Variants in NUAK1 observed in about 807,000 individuals in gnomAD.
NUAK1 encodes NUAK family kinase 1.
NUAK1 carries 26 observed loss-of-function variants against 56.9 expected under a neutral mutation model. The ratio of observed to expected loss-of-function variants is 0.46; its 90% CI spans 0.33 to 0.63. The LOEUF is 0.63. Ranked by LOEUF, NUAK1 falls within the 30% of genes least tolerant of loss-of-function variation. The pLI is 0.02. For synonymous variants in NUAK1, 337 were observed against 336.0 expected (o/e 1.00, Z -0.03); for missense variants, 727 against 876.1 (o/e 0.83, Z 2.15).
intron 1 of NUAK1, among the ~76,000 whole-genome samples, chr12:106,125,611 T>C (rs145242587): frequency 3.1e-4 from 47 of 152,166 alleles, no homozygotes; most frequent in Non-Finnish European, 5.4e-4. Context: ...GCTATGAGGG[T>C]TGTTAAGGGA....
chr12:106,108,568 C>T (rs1241396257), intron 1 of NUAK1, among the ~76,000 whole-genome samples: 1 of 152,178 alleles, frequency 6.6e-6, no homozygotes, highest in Non-Finnish European at 1.5e-5. Context: ...GGCTGTAATC[C>T]TGGGACCTTG....
Position 106,075,494 on chromosome 12 carries a change from T to A in NUAK1, c.580-2651A>T, listed in dbSNP as rs143414323. ...GTCTGTAAAATAGCGTTAGGAAGAG[T>A]GTCTATCCCTACTGTGTCATGGTGG... On this transcript the variant is annotated intron_variant, in intron 4 of 6. Transcript: ENST00000261402. Among the ~76,000 whole-genome samples, 67 of 152,150 alleles carry A rather than the reference T, an allele frequency of 4.4e-4. No homozygotes were observed. In the East Asian group the frequency reaches 0.011, roughly 26 times the overall value.
intron 2 of NUAK1, among the ~76,000 whole-genome samples, chr12:106,093,173 G>C (rs2032654968): frequency 6.6e-6 from 1 of 152,186 alleles, no homozygotes; most frequent in African/African-American, 2.4e-5. Flanking sequence ...TCTAGAAAAA[G>C]CAGGCATGGA....
intron 4 of NUAK1, among the ~76,000 whole-genome samples, chr12:106,075,286 AAC>A (rs370123170): frequency 0.012 from 1,667 of 133,898 alleles, 13 homozygotes; most frequent in African/African-American, 0.019. Context: ...AGTATTAATC[AAC>A]ACACACACAC....
Position 106,067,014 on chromosome 12 carries a change from G to A in NUAK1, c.1774C>T (p.Arg592Cys), listed in dbSNP as rs777676118. 32 of 1,614,094 alleles carry A rather than the reference G, an allele frequency of 2.0e-5. No individual in the cohort carries two copies. In the Middle Eastern group the frequency reaches 8.2e-4, roughly 41 times the overall value. The part of the protein sequence containing the change: ...SFDLLDLQEN[R>C]PARQRIRSCV... ...CTGCGGATGCGCTGGCGGGCAGGGC[G>A]ATTCTCCTGCAAATCCAGCAAGTCA... is the stretch of plus-strand genomic sequence containing the variant. The change falls in exon 7 of 7, where the codon CGC (arginine) becomes TGC (cysteine). Residue 592 changes from arginine to cysteine, a missense_variant. Arg to Cys is a radical substitution (Grantham distance 180). Coordinates refer to ENST00000261402, the MANE Select transcript of NUAK1 (RefSeq NM_014840.3). This position sits in a 1 kb window ranked among gnomAD's most constrained non-coding sequence, Gnocchi z 6.0.
At chr12:106,072,958 G>T in intron 4 of NUAK1, 115 bp from the exon 5 acceptor site, 2 of 1,216,712 alleles carry the variant, frequency 1.6e-6, no homozygotes, top group African/African-American at 1.5e-5. Flanking sequence ...GGGTGGGTCT[G>T]CTGGCTGGAT....
rs1203714388 is a variant in NUAK1, at chr12:106,066,714, G to A, written c.*88C>T. The A allele has an allele frequency of 2.7e-6, 3 of 1,117,102 alleles. No homozygotes were observed. Among genetic ancestry groups the A allele is most frequent in the Non-Finnish European group, 3.9e-6 (3 of 774,332 alleles). The allele number at this position is 1,117,102 out of a possible 1,614,324, so 69.2% of individuals were successfully genotyped here. ...AATCCTTTTTCAGTCTGTTGTCACA[G>A]CCAGCAAAGAGGTAACCAGCCTGTG... On this transcript the variant is annotated 3_prime_UTR_variant, in exon 7 of 7. Coordinates refer to ENST00000261402, the MANE Select transcript of NUAK1 (RefSeq NM_014840.3).
At chr12:106,088,305 T>TC (rs1353559373) in intron 2 of NUAK1, among the ~76,000 whole-genome samples, 1 of 152,134 alleles carries the variant, frequency 6.6e-6, no homozygotes, top group East Asian at 1.9e-4. Context: ...TCCCTGAAGG[T>TC]CCCCTGCCTA....
At chr12:106,089,648 G>A (rs1258439709) in intron 2 of NUAK1, among the ~76,000 whole-genome samples, 1 of 152,156 alleles carries the variant, frequency 6.6e-6, no homozygotes, top group Admixed American at 6.5e-5. Context: ...AATTAGCCGG[G>A]TGTGGTGGCA....
At chr12:106,111,431 C>A (rs2032858545) in intron 1 of NUAK1, among the ~76,000 whole-genome samples, 1 of 151,734 alleles carries the variant, frequency 6.6e-6, no homozygotes, top group Non-Finnish European at 1.5e-5. Context: ...GGGGGCGTGG[C>A]AGAGAGTCTG....
At chr12:106,129,768 C>G (rs775505288) in intron 1 of NUAK1, among the ~76,000 whole-genome samples, 10 of 152,154 alleles carry the variant, frequency 6.6e-5, no homozygotes, top group Non-Finnish European at 1.3e-4. Context: ...CTGGAAGCTT[C>G]CAAATCCTAT....
chr12:106,134,069 A>C (rs2033105900), intron 1 of NUAK1, among the ~76,000 whole-genome samples: 1 of 152,190 alleles, frequency 6.6e-6, no homozygotes, highest in South Asian at 2.1e-4. Flanking sequence ...GTGATGGAAA[A>C]ATACCAAACC....
Position 106,138,608 on chromosome 12 carries a change from C to G in NUAK1, c.46G>C (p.Gly16Arg), listed in dbSNP as rs1301728043. 7 of 1,549,096 alleles carry G rather than the reference C, an allele frequency of 4.5e-6. No individual in the cohort carries two copies. Among genetic ancestry groups the G allele is most frequent in the Non-Finnish European group, 6.1e-6 (7 of 1,154,222 alleles). ...CGGGGAGAGCCCGGCGCCCCCAGCC[C>G]CAAGTCGGGGCGGTCCCCCGCCACA... The part of the protein sequence containing the change: ...APVAGDRPDL[G>R]LGAPGSPREA... Residue 16 changes from glycine (G) to arginine (R), a missense_variant, in exon 1 of 7, where the codon GGG (glycine) becomes CGG (arginine). Transcript: ENST00000261402. This position sits in a 1 kb window ranked among gnomAD's most constrained non-coding sequence, Gnocchi z 5.0.
Position 106,138,783 on chromosome 12 carries a change from AC to A in NUAK1, c.-131del. 8.1e-7 allele frequency: 1 copy of A among 1,237,652 alleles called. No homozygotes were observed. The highest frequency in any genetic ancestry group is 1.1e-6 in the Non-Finnish European group (1 of 951,056). The allele number at this position is 1,237,652 out of a possible 1,614,324, so 76.7% of individuals were successfully genotyped here. ...CGCAGCATCAGGGAGGCGGCCCGAT[AC>A]CGCTCGGACTGCGGCTCGGTCACTG... On this transcript the variant is annotated 5_prime_UTR_variant, in exon 1 of 7. Coordinates refer to ENST00000261402, the MANE Select transcript of NUAK1 (RefSeq NM_014840.3). The surrounding 1 kb of genome is among the most constrained non-coding windows in gnomAD (Gnocchi z 5.0).
At chr12:106,126,401 C>T (rs1170274746) in intron 1 of NUAK1, among the ~76,000 whole-genome samples, 1 of 152,212 alleles carries the variant, frequency 6.6e-6, no homozygotes, top group African/African-American at 2.4e-5. Context: ...TCTTGGGAAG[C>T]AGTCTAGGCT....
At chr12:106,120,514 G>A (rs1294149902) in intron 1 of NUAK1, among the ~76,000 whole-genome samples, 3 of 151,992 alleles carry the variant, frequency 2.0e-5, no homozygotes, top group African/African-American at 7.2e-5. Context: ...GGACGATGTC[G>A]GGGGCAAAGT....
At chr12:106,133,502 CCAAA>C (rs1212825114) in intron 1 of NUAK1, among the ~76,000 whole-genome samples, 3 of 152,154 alleles carry the variant, frequency 2.0e-5, no homozygotes, top group East Asian at 1.9e-4. Context: ...CAAACTCCAT[CCAAA>C]CAAACAAACA....
At position 106,126,568 on chromosome 12, in the gene NUAK1, A is replaced by C. The variant is rs182265315; in HGVS notation, c.240+11846T>G. Among the ~76,000 whole-genome samples, 393 of 152,364 alleles carry C rather than the reference A, an allele frequency of 2.6e-3. 2 individuals are homozygous for C. The highest frequency in any genetic ancestry group is 2.5e-3 in the Admixed American group (38 of 15,310). On this transcript the variant is annotated intron_variant, in intron 1 of 6. Coordinates refer to ENST00000261402, the MANE Select transcript of NUAK1 (RefSeq NM_014840.3). ...AAGAATTCAGTGAGATGACACAGGCAAATTACTCAGCACAGAGCCTGGCAA... is the reference window on the plus strand; with the variant it reads ...AAGAATTCAGTGAGATGACACAGGCCAATTACTCAGCACAGAGCCTGGCAA...
intron 4 of NUAK1, among the ~76,000 whole-genome samples, chr12:106,074,183 T>C (rs1308178502): frequency 1.3e-5 from 2 of 152,270 alleles, no homozygotes; most frequent in African/African-American, 4.8e-5. Context: ...CAAGAAACAC[T>C]TGTCACTGGT....
Sources: allele counts gnomAD v4.1 joint callset (sites outside exome capture counted in the v4.1 genomes callset), GRCh38; gene constraint gnomAD v4.1.1; non-coding constraint Gnocchi (gnomAD v3.1); transcripts MANE v1.5; gene names NCBI Gene and HGNC (gene_info 2026-07-23, HGNC 2026-07-21).